Variants in KRABD5 observed in about 807,000 individuals in gnomAD.
KRABD5 encodes KRAB domain-containing protein 5.
At chr16:31,720,585 A>G in the KRABD5 span, among the ~76,000 whole-genome samples, 1 of 152,188 alleles carries the variant, frequency 6.6e-6, no homozygotes, top group Non-Finnish European at 1.5e-5. Flanking sequence ...GTTTATTATT[A>G]TACCCAGACT....
At chr16:31,715,284 A>AG in the KRABD5 span, among the ~76,000 whole-genome samples, 1 of 152,226 alleles carries the variant, frequency 6.6e-6, no homozygotes, top group African/African-American at 2.4e-5. Flanking sequence ...GGGGAAAAAA[A>AG]GGAAATAGGA....
chr16:31,752,131 A>AT, the KRABD5 span, among the ~76,000 whole-genome samples: 2 of 152,086 alleles, frequency 1.3e-5, no homozygotes, highest in African/African-American at 2.4e-5. Context: ...GACTGGTATG[A>AT]TTTTTTTCTT....
chr16:31,722,662 T>A, the KRABD5 span: 4 of 1,613,394 alleles, frequency 2.5e-6, no homozygotes, highest in African/African-American at 5.3e-5. Flanking sequence ...CATAGAATTC[T>A]CTCGGGAGGA....
chr16:31,728,646 G>GAA, the KRABD5 span, among the ~76,000 whole-genome samples: 3 of 150,544 alleles, frequency 2.0e-5, no homozygotes, highest in African/African-American at 7.3e-5. Context: ...AGTGCAATCA[G>GAA]AAAAAAAAAC....
chr16:31,759,316 G>C, the KRABD5 span: 1 of 1,526,754 alleles, frequency 6.5e-7, no homozygotes, highest in Non-Finnish European at 8.9e-7. Context: ...AGAAAAGTTG[G>C]ACACAAAATT....
the KRABD5 span, among the ~76,000 whole-genome samples, chr16:31,737,375 T>A: frequency 6.6e-6 from 1 of 152,112 alleles, no homozygotes; most frequent in Non-Finnish European, 1.5e-5. Context: ...AAAATCAACA[T>A]AGAAATTTCA....
chr16:31,715,126 G>T, the KRABD5 span, among the ~76,000 whole-genome samples: 1 of 152,168 alleles, frequency 6.6e-6, no homozygotes, highest in East Asian at 1.9e-4. Flanking sequence ...CTTAGGAGGG[G>T]CATAAAGAGG....
At chr16:31,739,862 C>A in the KRABD5 span, among the ~76,000 whole-genome samples, 1 of 152,342 alleles carries the variant, frequency 6.6e-6, no homozygotes. Context: ...GGGTGGAAAG[C>A]CGCTTAAAGG....
chr16:31,716,957 A>G, the KRABD5 span, among the ~76,000 whole-genome samples: 1 of 149,656 alleles, frequency 6.7e-6, no homozygotes, highest in East Asian at 1.9e-4. Context: ...AATCATTGTA[A>G]CAGCTAAACA....
chr16:31,748,168 T>C, the KRABD5 span, among the ~76,000 whole-genome samples: 1 of 152,186 alleles, frequency 6.6e-6, no homozygotes, highest in Non-Finnish European at 1.5e-5. Flanking sequence ...AATTTTTGTA[T>C]AAGGTGTAAG....
At chr16:31,719,561 C>G in the KRABD5 span, among the ~76,000 whole-genome samples, 4 of 152,298 alleles carry the variant, frequency 2.6e-5, no homozygotes, top group Admixed American at 2.6e-4. Context: ...GGGCCTGACC[C>G]GTGTCCCTAG....
At chr16:31,749,033 C>T in the KRABD5 span, among the ~76,000 whole-genome samples, 20,307 of 152,208 alleles carry the variant, frequency 0.13, 1,792 homozygotes, top group South Asian at 0.32. Flanking sequence ...GTCTGGGCTG[C>T]CTGGATTCCT....
At chr16:31,726,613 T>C in the KRABD5 span, among the ~76,000 whole-genome samples, 3 of 152,010 alleles carry the variant, frequency 2.0e-5, no homozygotes, top group Non-Finnish European at 2.9e-5. Flanking sequence ...ATACAAAAAT[T>C]AGCCAGGTGT....
At chr16:31,735,818 C>G in the KRABD5 span, among the ~76,000 whole-genome samples, 1 of 152,028 alleles carries the variant, frequency 6.6e-6, no homozygotes, top group African/African-American at 2.4e-5. Context: ...CAATATTAAC[C>G]TCTTGTCATA....
At chr16:31,716,210 A>C in the KRABD5 span, among the ~76,000 whole-genome samples, 5 of 151,934 alleles carry the variant, frequency 3.3e-5, no homozygotes, top group Non-Finnish European at 5.9e-5. Context: ...CCCTCCATCA[A>C]CCTAGGCTTG....
chr16:31,742,716 C>T, the KRABD5 span, among the ~76,000 whole-genome samples: 3 of 152,078 alleles, frequency 2.0e-5, no homozygotes, highest in African/African-American at 4.8e-5. Context: ...TTCTGATTCT[C>T]GATCCTTGAG....
At chr16:31,753,710 A>T in the KRABD5 span, 1 of 1,397,858 alleles carries the variant, frequency 7.2e-7, no homozygotes, top group Middle Eastern at 2.2e-4. Context: ...AGATTTATAA[A>T]GTATTTTCAC....
the KRABD5 span, chr16:31,756,995 T>C: frequency 3.9e-5 from 6 of 152,220 alleles, no homozygotes; most frequent in Admixed American, 2.6e-4. Flanking sequence ...TAGCTTTTCA[T>C]TGCACACTGA....
At chr16:31,729,780 ACTTT>A in the KRABD5 span, among the ~76,000 whole-genome samples, 1 of 150,208 alleles carries the variant, frequency 6.7e-6, no homozygotes, top group Non-Finnish European at 1.5e-5. Context: ...TACTTTGATT[ACTTT>A]CTTTTTTTCT....
Sources: allele counts gnomAD v4.1 joint callset (sites outside exome capture counted in the v4.1 genomes callset), GRCh38; gene constraint gnomAD v4.1.1; transcripts MANE v1.5; gene names NCBI Gene and HGNC (gene_info 2026-07-23, HGNC 2026-07-21).